The following SMYD3 variants were observed in gnomAD, a reference collection of about 807,000 sequenced individuals.
SMYD3 encodes the protein histone-lysine N-methyltransferase SMYD3.
A neutral mutation model predicts 57.7 loss-of-function variants in SMYD3; 36 were observed. That is an observed-to-expected ratio of 0.62 (90% CI 0.48 to 0.82). The LOEUF is 0.82. Among genes scored for constraint, SMYD3 ranks in the 40% least tolerant of loss-of-function variants. SMYD3 has a pLI of 0.00. For synonymous variants in SMYD3, 211 were observed against 195.0 expected (o/e 1.08, Z -0.68); for missense variants, 515 against 538.8 (o/e 0.96, Z 0.44).
chr1:245,985,386 T>C (rs1172952700), intron 5 of SMYD3, among the ~76,000 whole-genome samples: 1 of 152,238 alleles, frequency 6.6e-6, no homozygotes, highest in African/African-American at 2.4e-5. Flanking sequence ...CTCAAAGTTA[T>C]CAATACTTAA....
At chr1:246,058,769 A>G (rs1194630809) in intron 5 of SMYD3, among the ~76,000 whole-genome samples, 11 of 152,194 alleles carry the variant, frequency 7.2e-5, no homozygotes, top group African/African-American at 2.7e-4. Flanking sequence ...AAATTGTTGG[A>G]AATTTTCAAA....
chr1:246,248,901 G>A (rs954718769), intron 5 of SMYD3, among the ~76,000 whole-genome samples: 5 of 144,582 alleles, frequency 3.5e-5, no homozygotes, highest in African/African-American at 7.8e-5. Flanking sequence ...CGTGACCCGC[G>A]CGCCTCAGCC....
At position 245,890,478 on chromosome 1, in the gene SMYD3, C is replaced by T. The variant is rs540789666; in HGVS notation, c.813+25052G>A. 7.2e-5 allele frequency among the ~76,000 whole-genome samples: 11 copies of T among 152,254 alleles called. No homozygotes were observed. The South Asian group carries it at 2.3e-3, about 32-fold the overall frequency. ...TACAAATGGTGAACAGGTATAAGAACATCCCGCATCATCAAAGAAATGCAA... is the reference window on the plus strand; with the variant it reads ...TACAAATGGTGAACAGGTATAAGAATATCCCGCATCATCAAAGAAATGCAA... On this transcript the variant is annotated intron_variant, in intron 8 of 11. Coordinates refer to ENST00000490107, the MANE Select transcript of SMYD3 (RefSeq NM_001167740.2).
chr1:246,310,939 A>C (rs1572365513), intron 5 of SMYD3, among the ~76,000 whole-genome samples: 1 of 152,164 alleles, frequency 6.6e-6, no homozygotes, highest in Admixed American at 6.5e-5. Context: ...AAGTGCTGGG[A>C]TTACAGGCGT....
intron 11 of SMYD3, among the ~76,000 whole-genome samples, chr1:245,761,189 A>C (rs1356177995): frequency 6.6e-6 from 1 of 152,136 alleles, no homozygotes; most frequent in Non-Finnish European, 1.5e-5. Flanking sequence ...CATGACAGAT[A>C]ATCTGATGCT....
intron 1 of SMYD3, among the ~76,000 whole-genome samples, chr1:246,434,708 C>G (rs1401208097): frequency 6.6e-6 from 1 of 152,176 alleles, no homozygotes; most frequent in African/African-American, 2.4e-5. Context: ...GGAATGTAAC[C>G]TAGTTCGGCC....
intron 5 of SMYD3, among the ~76,000 whole-genome samples, chr1:246,198,915 G>A (rs2062865566): frequency 6.6e-6 from 1 of 152,148 alleles, no homozygotes; most frequent in Admixed American, 6.5e-5. Context: ...TCTTTAAACA[G>A]ATTATAAGTA....
At chr1:246,098,127 A>G (rs2060946742) in intron 5 of SMYD3, among the ~76,000 whole-genome samples, 2 of 152,360 alleles carry the variant, frequency 1.3e-5, no homozygotes, top group South Asian at 2.1e-4. Context: ...TTAATGATCA[A>G]TTGGGTAAAA....
intron 7 of SMYD3, among the ~76,000 whole-genome samples, chr1:245,925,601 T>C (rs983237993): frequency 3.3e-5 from 5 of 152,176 alleles, no homozygotes; most frequent in Non-Finnish European, 7.3e-5. Context: ...GATGAAGAAC[T>C]GTCCCATTCA....
chr1:246,355,076 T>C lies in SMYD3; in HGVS notation c.183A>G (p.Arg61=), dbSNP rs1304047035. The C allele has an allele frequency of 1.9e-6, 3 of 1,614,144 alleles. No homozygotes were observed. The highest frequency in any genetic ancestry group is 2.5e-6 in the Non-Finnish European group (3 of 1,180,026). Residue 61 remains arginine (R), a synonymous_variant, in exon 2 of 12, where the codon CGA becomes CGG. Coordinates refer to ENST00000490107, the MANE Select transcript of SMYD3 (RefSeq NM_001167740.2). The surrounding 1 kb of genome is among the most constrained non-coding windows in gnomAD (Gnocchi z 5.0). ...RCLLGKEKLM[R]CSQCRVAKYC... ...ATTTGGCGACGCGGCACTGAGAGCATCGCATCAGCTTTTCCTTCCTGTGGG... is the reference window on the plus strand; with the variant it reads ...ATTTGGCGACGCGGCACTGAGAGCACCGCATCAGCTTTTCCTTCCTGTGGG...
At chr1:246,213,573 G>C (rs2063121237) in intron 5 of SMYD3, among the ~76,000 whole-genome samples, 1 of 152,118 alleles carries the variant, frequency 6.6e-6, no homozygotes, top group South Asian at 2.1e-4. Context: ...CTAGAACAAG[G>C]GCAGGGGAAC....
chr1:245,995,191 A>G (rs2058900659), intron 5 of SMYD3, among the ~76,000 whole-genome samples: 1 of 152,238 alleles, frequency 6.6e-6, no homozygotes, highest in African/African-American at 2.4e-5. Context: ...AATGTCCAGT[A>G]AACAAATTGT....
At chr1:246,390,858 A>G (rs1477851549) in intron 1 of SMYD3, among the ~76,000 whole-genome samples, 1 of 152,186 alleles carries the variant, frequency 6.6e-6, no homozygotes, top group East Asian at 1.9e-4. Context: ...AGCAACAACA[A>G]CAACAACAAC....
chr1:245,812,730 C>A (rs945831278), intron 10 of SMYD3, among the ~76,000 whole-genome samples: 2 of 134,092 alleles, frequency 1.5e-5, no homozygotes, highest in Non-Finnish European at 1.5e-5. Flanking sequence ...AAAGAGCGAG[C>A]GAGAGAGACA....
intron 10 of SMYD3, among the ~76,000 whole-genome samples, chr1:245,783,288 A>G (rs1469229320): frequency 6.6e-6 from 1 of 152,222 alleles, no homozygotes; most frequent in Non-Finnish European, 1.5e-5. Flanking sequence ...CTAAGAGAAG[A>G]TGCCATTTCA....
chr1:246,411,966 AAAGTAT>A (rs1460728451), intron 1 of SMYD3, among the ~76,000 whole-genome samples: 1 of 123,078 alleles, frequency 8.1e-6, no homozygotes, highest in African/African-American at 3.0e-5. Flanking sequence ...CCTAAAACTT[AAAGTAT>A]AATAAAAAAA....
intron 5 of SMYD3, among the ~76,000 whole-genome samples, chr1:246,146,288 A>G (rs2061841215): frequency 6.6e-6 from 1 of 152,236 alleles, no homozygotes; most frequent in Non-Finnish European, 1.5e-5. Flanking sequence ...TCTTAAAACT[A>G]AAATTTCTAG....
rs191726443 is a variant in SMYD3 at position 246,087,218 on chromosome 1, C to T, written c.532-157281G>A. Among the ~76,000 whole-genome samples the T allele has an allele frequency of 1.6e-3, 245 of 152,262 alleles. 1 individual carries two copies. Among genetic ancestry groups the T allele is most frequent in the Non-Finnish European group, 2.0e-3 (134 of 68,036 alleles). On this transcript the variant is annotated intron_variant, in intron 5 of 11. Coordinates refer to ENST00000490107, the MANE Select transcript of SMYD3 (RefSeq NM_001167740.2). ...AATTCTTGCCCTTATAGCTACAAACCCATGAGCCTATTTCTAGATCCTTCC... is the reference window on the plus strand; with the variant it reads ...AATTCTTGCCCTTATAGCTACAAACTCATGAGCCTATTTCTAGATCCTTCC...
chr1:246,033,391 C>A (rs944968153), intron 5 of SMYD3, among the ~76,000 whole-genome samples: 3 of 152,054 alleles, frequency 2.0e-5, no homozygotes, highest in East Asian at 1.9e-4. Flanking sequence ...GGTTAAAGAG[C>A]GGTTGGGATG....
Sources: allele counts gnomAD v4.1 joint callset (sites outside exome capture counted in the v4.1 genomes callset), GRCh38; gene constraint gnomAD v4.1.1; non-coding constraint Gnocchi (gnomAD v3.1); transcripts MANE v1.5; gene names NCBI Gene and HGNC (gene_info 2026-07-23, HGNC 2026-07-21).